The following PAX2 variants were observed in gnomAD, a reference collection of about 807,000 sequenced individuals.
PAX2 encodes paired box 2.
A neutral mutation model predicts 41.7 loss-of-function variants in PAX2; 9 were observed. That is an observed-to-expected ratio of 0.22 (90% confidence interval 0.13 to 0.38). PAX2 has a LOEUF of 0.38. PAX2 is among the 10% of genes least tolerant of loss of function. The probability of loss-of-function intolerance (pLI) is 1.00; values close to 1 mark genes in which losing one functional copy is unlikely to be tolerated. For missense variants in PAX2, 418 were observed against 531.6 expected (o/e 0.79, Z 2.10); for synonymous variants, 221 against 212.7 (o/e 1.04, Z -0.34).
chr10:100,756,903 A>G (rs1845656689), intron 3 of PAX2, among the ~76,000 whole-genome samples: 1 of 152,194 alleles, frequency 6.6e-6, no homozygotes, highest in South Asian at 2.1e-4. Flanking sequence ...AGTTGAGTCC[A>G]GAGAAGGGGA....
intron 7 of PAX2, among the ~76,000 whole-genome samples, chr10:100,812,004 C>T (rs1301252349): frequency 1.3e-5 from 2 of 152,220 alleles, no homozygotes; most frequent in Non-Finnish European, 2.9e-5. Context: ...CTTGATGCAG[C>T]TATTCCACAA....
At chr10:100,751,916 T>C (rs1845458427) in intron 3 of PAX2, among the ~76,000 whole-genome samples, 1 of 152,188 alleles carries the variant, frequency 6.6e-6, no homozygotes, top group African/African-American at 2.4e-5. Context: ...GGCTAAGCAG[T>C]TCATACCTTT....
In PAX2 at chr10:100,824,794, A is replaced by G. The variant is rs1205405429; in HGVS notation, c.1021+45A>G. The stretch of plus-strand genomic sequence containing the variant: ...CTGCCTAATCTAGGTGGGGGGAACT[A>G]AATTGTGGGTGAGCTGCTGAATGGT... On this transcript the variant is annotated intron_variant, in intron 8 of 9. Transcript: ENST00000355243. This position sits in a 1 kb window ranked among gnomAD's most constrained non-coding sequence, Gnocchi z 6.6. 4.6e-6 allele frequency: 7 copies of G among 1,510,202 alleles called. No homozygotes were observed. The South Asian group carries it at 6.7e-5, about 15-fold the overall frequency. The allele number at this position is 1,510,202 out of a possible 1,614,324, so 93.6% of individuals were successfully genotyped here.
chr10:100,820,217 C>A (rs1354766260), intron 7 of PAX2, among the ~76,000 whole-genome samples: 1 of 152,090 alleles, frequency 6.6e-6, no homozygotes, highest in Non-Finnish European at 1.5e-5. Flanking sequence ...CAGATGACTT[C>A]TTTTCCTTTT....
chr10:100,743,817 G>C (rs886073436), upstream of PAX2, among the ~76,000 whole-genome samples: 2 of 152,228 alleles, frequency 1.3e-5, no homozygotes, highest in Non-Finnish European at 2.9e-5. Flanking sequence ...TAGGCCCTGC[G>C]TCTTCAACCT....
chr10:100,780,813 A>G (rs557646265), intron 4 of PAX2, among the ~76,000 whole-genome samples: 1 of 152,270 alleles, frequency 6.6e-6, no homozygotes, highest in East Asian at 1.9e-4. Flanking sequence ...GCTTCATTAG[A>G]AGGGTTTGCC....
intron 5 of PAX2, among the ~76,000 whole-genome samples, chr10:100,800,273 C>CTTTTTTTTTTTTTTTTTTTTTTTTTT (rs59487758): frequency 9.2e-6 from 1 of 108,382 alleles, no homozygotes; most frequent in African/African-American, 4.3e-5. Flanking sequence ...TCTTTTCTTT[C>CTTTTTTTTTTTTTTTTTTTTTTTTTT]TTTTTTTTTT....
At chr10:100,798,683 C>T (rs983653744) in intron 5 of PAX2, among the ~76,000 whole-genome samples, 1 of 152,134 alleles carries the variant, frequency 6.6e-6, no homozygotes, top group African/African-American at 2.4e-5. Flanking sequence ...TTACCTCTCT[C>T]TTCATTCCTG....
In PAX2 at chr10:100,748,427, C is replaced by T. The variant is rs879742737; in HGVS notation, c.44-1319C>T. 5.1e-6 allele frequency: 5 copies of T among 985,180 alleles called. No homozygotes were observed. Among genetic ancestry groups the T allele is most frequent in the Non-Finnish European group, 6.0e-6 (5 of 829,864 alleles). The allele number at this position is 985,180 out of a possible 1,614,324, so 61.0% of individuals were successfully genotyped here. ...TTTCACCGAGCTTGCTCTAGGTACC[C>T]CCCGAGAAAGGGAGGGGAGAGAAAT... On this transcript the variant is annotated intron_variant, in intron 1 of 9. Coordinates refer to ENST00000355243, the MANE Select transcript of PAX2 (RefSeq NM_000278.5). This position sits in a 1 kb window ranked among gnomAD's most constrained non-coding sequence, Gnocchi z 5.0.
rs1390827176 is a variant in PAX2, at chr10:100,791,275, A to G, written c.616+9910A>G. On this transcript the variant is annotated intron_variant, in intron 5 of 9. Coordinates refer to ENST00000355243, the MANE Select transcript of PAX2 (RefSeq NM_000278.5). This position sits in a 1 kb window ranked among gnomAD's most constrained non-coding sequence, Gnocchi z 4.5. ...GGGGCTGGGGCTTTATCCTGCAGGC[A>G]GAGCTTTTACACCTTGCCCTTCTCT... Among the ~76,000 whole-genome samples the G allele has an allele frequency of 6.6e-6, 1 of 152,240 alleles. No individual in the cohort carries two copies. Among genetic ancestry groups the G allele is most frequent in the Non-Finnish European group, 1.5e-5 (1 of 68,040 alleles).
At chr10:100,825,703 T>C (rs760668463) in intron 8 of PAX2, among the ~76,000 whole-genome samples, 1 of 152,100 alleles carries the variant, frequency 6.6e-6, no homozygotes, top group Non-Finnish European at 1.5e-5. Flanking sequence ...GCCCCATCCA[T>C]CCAGGGACAT....
intron 7 of PAX2, among the ~76,000 whole-genome samples, chr10:100,814,379 A>G (rs1461312262): frequency 6.9e-6 from 1 of 144,206 alleles, no homozygotes; most frequent in Non-Finnish European, 1.5e-5. Flanking sequence ...AAAAAAGATC[A>G]AAGGAAGTAT....
In PAX2 at chr10:100,824,916, C is replaced by T. The variant is rs1187241878; in HGVS notation, c.1021+167C>T. ...TCTCTCCTTAGAGGCTGCAGTTGGT[C>T]CCTCATCCTCCCTCATGAGCAAGCC... On this transcript the variant is annotated intron_variant, in intron 8 of 9. Coordinates refer to ENST00000355243, the MANE Select transcript of PAX2 (RefSeq NM_000278.5). The surrounding 1 kb of genome is among the most constrained non-coding windows in gnomAD (Gnocchi z 6.6). The T allele has an allele frequency of 1.4e-5, 23 of 1,613,964 alleles. No homozygotes were observed. The highest frequency in any genetic ancestry group is 2.2e-5 in the East Asian group (1 of 44,878).
intron 3 of PAX2, among the ~76,000 whole-genome samples, chr10:100,776,929 A>G (rs1285212738): frequency 1.3e-5 from 2 of 152,020 alleles, no homozygotes; most frequent in Non-Finnish European, 1.5e-5. Context: ...ATGTATATGT[A>G]TGTTGCTTTA....
At chr10:100,740,880 GT>G (rs1402753490), upstream of PAX2, among the ~76,000 whole-genome samples, 3 of 152,212 alleles carry the variant, frequency 2.0e-5, no homozygotes, top group African/African-American at 7.2e-5. Context: ...CTTGTTCTCT[GT>G]TGGACAGGAC....
rs765130310 is a variant in PAX2, at chr10:100,749,888, C to T, written c.186C>T (p.His62=). ...TCTCCCGGCAGCTGCGGGTCAGCCA[C>T]GGCTGTGTCAGCAAAATCCTGGGCA... The part of the protein sequence containing the change: ...CDISRQLRVS[H]GCVSKILGRY... Residue 62 remains histidine (H), a synonymous_variant, in exon 2 of 10, where the codon CAC becomes CAT. Coordinates refer to ENST00000355243, the MANE Select transcript of PAX2 (RefSeq NM_000278.5). 4 of 1,612,416 alleles carry T rather than the reference C, an allele frequency of 2.5e-6. No homozygotes were observed. The East Asian group carries it at 8.9e-5, about 36-fold the overall frequency.
At chr10:100,800,788 C>A (rs144505940) in intron 5 of PAX2, among the ~76,000 whole-genome samples, 11 of 152,270 alleles carry the variant, frequency 7.2e-5, no homozygotes, top group African/African-American at 2.4e-4. Flanking sequence ...GCTCCAGGGC[C>A]ACCCAGGAAT....
At chr10:100,807,329 C>T (rs1847826693) in intron 6 of PAX2, among the ~76,000 whole-genome samples, 1 of 151,868 alleles carries the variant, frequency 6.6e-6, no homozygotes, top group African/African-American at 2.4e-5. Flanking sequence ...TCACACACCA[C>T]TGTCCACCTG....
intron 5 of PAX2, among the ~76,000 whole-genome samples, chr10:100,786,225 G>A (rs972500558): frequency 2.6e-5 from 4 of 152,318 alleles, no homozygotes; most frequent in Non-Finnish European, 5.9e-5. Flanking sequence ...GAAAGCTGTC[G>A]TCCTCACACC....
Sources: gnomAD v4.1 joint callset for allele counts (sites outside exome capture counted in the v4.1 genomes callset) on GRCh38, gnomAD v4.1.1 for gene constraint, Gnocchi (gnomAD v3.1) non-coding constraint, MANE v1.5 for transcripts, NCBI Gene and HGNC (gene_info 2026-07-23, HGNC 2026-07-21) for gene names.